SPAG16: variants seen among roughly 807,000 people sequenced by gnomAD.
SPAG16 encodes the protein sperm associated antigen 16.
SPAG16 carries 86 observed loss-of-function variants against 80.4 expected under a neutral mutation model. The observed-to-expected ratio is 1.07, with a 90% confidence interval of 0.90 to 1.28. The LOEUF is 1.28. Among genes scored for constraint, SPAG16 ranks in the 50% most tolerant of loss-of-function variants. The pLI is 0.00. For synonymous variants in SPAG16, 294 were observed against 265.9 expected, an observed-to-expected ratio of 1.11 and a Z score of -1.03; for missense variants, 870 against 765.3, an observed-to-expected ratio of 1.14 and a Z score of -1.61.
At position 214,051,050 on chromosome 2, in the gene SPAG16, T is replaced by C. The variant is rs537041776; in HGVS notation, c.1527+36973T>C. Among the ~76,000 whole-genome samples the C allele has an allele frequency of 1.7e-4, 26 of 152,354 alleles. No individual in the cohort carries two copies. In the East Asian group the frequency reaches 4.4e-3, roughly 26 times the overall value. ...CTGTCTTTTTTGAACCATGCAATCA[T>C]AGCAGTGTCTTGACCTTTAATATTG... On this transcript the variant is annotated intron_variant, in intron 13 of 15. Transcript: ENST00000331683.
At chr2:214,193,708 C>T (rs1023608) in intron 15 of SPAG16, among the ~76,000 whole-genome samples, 27,907 of 151,726 alleles carry the variant, frequency 0.18, 3,873 homozygotes, top group East Asian at 0.45. Context: ...AATGATGGTT[C>T]CTATTTTATA....
intron 10 of SPAG16, among the ~76,000 whole-genome samples, chr2:213,614,201 A>G (rs1459009284): frequency 2.0e-5 from 3 of 152,258 alleles, no homozygotes; most frequent in African/African-American, 7.2e-5. Context: ...TGCTAAAACA[A>G]AATGAAAGTT....
At chr2:214,323,428 G>T (rs1696251021) in intron 15 of SPAG16, among the ~76,000 whole-genome samples, 1 of 151,908 alleles carries the variant, frequency 6.6e-6, no homozygotes, top group Non-Finnish European at 1.5e-5. Flanking sequence ...CAAGTATTAG[G>T]TCATATTTAT....
At chr2:213,297,149 A>C (rs531037291) in intron 2 of SPAG16, 113 bp from the exon 3 acceptor site, 1 of 1,478,932 alleles carries the variant, frequency 6.8e-7, no homozygotes, top group South Asian at 1.3e-5. Context: ...GGTATTTTAC[A>C]TAAAGTATTT....
intron 13 of SPAG16, among the ~76,000 whole-genome samples, chr2:214,015,730 G>C (rs2047561313): frequency 6.6e-6 from 1 of 152,166 alleles, no homozygotes. Flanking sequence ...CTGGCTGAGA[G>C]CTCAGTTTTC....
chr2:213,956,459 T>C (rs1444872488), intron 12 of SPAG16, among the ~76,000 whole-genome samples: 1 of 148,370 alleles, frequency 6.7e-6, no homozygotes, highest in East Asian at 2.0e-4. Context: ...TTTTTTTTTT[T>C]TTTTTTGAGG....
At chr2:213,977,441 C>CA (rs978207290) in intron 12 of SPAG16, among the ~76,000 whole-genome samples, 1 of 151,926 alleles carries the variant, frequency 6.6e-6, no homozygotes, top group African/African-American at 2.4e-5. Context: ...TACTGCCCCC[C>CA]CCATACCCAA....
rs191430975 is a variant in SPAG16, at chr2:213,396,043, G to A, written c.942+20924G>A. ...CTGGACTTTCTTTTATGTTTCACTG[G>A]TGAGTTTGTTTATTCCTGTGGCAGT... is the stretch of plus-strand genomic sequence containing the variant. On this transcript the variant is annotated intron_variant, in intron 9 of 15. Coordinates refer to ENST00000331683, the MANE Select transcript of SPAG16 (RefSeq NM_024532.5). Among the ~76,000 whole-genome samples the A allele has an allele frequency of 1.1e-3, 161 of 152,100 alleles. 3 individuals carry two copies. Among genetic ancestry groups the A allele is most frequent in the Non-Finnish European group, 1.2e-4 (8 of 67,992 alleles).
intron 10 of SPAG16, among the ~76,000 whole-genome samples, chr2:213,733,858 A>G (rs899673261): frequency 1.3e-5 from 2 of 152,178 alleles, no homozygotes; most frequent in African/African-American, 4.8e-5. Context: ...TTCTTATTTT[A>G]AGGATGGAGC....
chr2:213,416,546 G>GTTTTT (rs1480038020), intron 9 of SPAG16, among the ~76,000 whole-genome samples: 13 of 103,242 alleles, frequency 1.3e-4, no homozygotes, highest in Admixed American at 1.9e-4. Context: ...TACTTGACTT[G>GTTTTT]TTTTTTCTTT....
At chr2:213,380,258 A>G (rs1174547074) in intron 9 of SPAG16, among the ~76,000 whole-genome samples, 1 of 152,118 alleles carries the variant, frequency 6.6e-6, no homozygotes, top group Non-Finnish European at 1.5e-5. Context: ...TCTTTCAGGG[A>G]TGTCCTAGAA....
intron 15 of SPAG16, among the ~76,000 whole-genome samples, chr2:214,404,932 T>C (rs1001283658): frequency 6.6e-6 from 1 of 152,168 alleles, no homozygotes; most frequent in Non-Finnish European, 1.5e-5. Flanking sequence ...GATTAATGGA[T>C]ATATATAGTG....
At chr2:213,466,498 A>G (rs556441944) in intron 9 of SPAG16, among the ~76,000 whole-genome samples, 1 of 152,286 alleles carries the variant, frequency 6.6e-6, no homozygotes, top group East Asian at 1.9e-4. Context: ...GGTGTCCATA[A>G]TCTGCAGAAT....
chr2:213,986,221 T>C (rs191976043), intron 12 of SPAG16, among the ~76,000 whole-genome samples: 1 of 152,164 alleles, frequency 6.6e-6, no homozygotes, highest in African/African-American at 2.4e-5. Flanking sequence ...TTGCCCAGCG[T>C]CCAGGAAGGC....
At chr2:213,813,455 G>A (rs917364698) in intron 10 of SPAG16, among the ~76,000 whole-genome samples, 5 of 152,066 alleles carry the variant, frequency 3.3e-5, no homozygotes, top group East Asian at 1.9e-4. Context: ...GAGGGCAGGC[G>A]GGAGACCACA....
At chr2:214,038,373 G>C (rs2048820982) in intron 13 of SPAG16, among the ~76,000 whole-genome samples, 1 of 151,974 alleles carries the variant, frequency 6.6e-6, no homozygotes, top group South Asian at 2.1e-4. Flanking sequence ...TTTCAGTTCT[G>C]TTATTTCTAC....
chr2:214,184,537 C>G (rs1367677125), intron 15 of SPAG16, among the ~76,000 whole-genome samples: 5 of 152,054 alleles, frequency 3.3e-5, no homozygotes, highest in African/African-American at 1.2e-4. Flanking sequence ...TCAGGGAGAA[C>G]TGTGGTACGT....
intron 15 of SPAG16, among the ~76,000 whole-genome samples, chr2:214,380,965 T>A (rs2126107560): frequency 6.6e-6 from 1 of 152,368 alleles, no homozygotes; most frequent in East Asian, 1.9e-4. Context: ...TGGGTATGGA[T>A]AATCACTTCG....
intron 11 of SPAG16, among the ~76,000 whole-genome samples, chr2:213,877,206 T>C (rs2076173863): frequency 6.6e-6 from 1 of 152,158 alleles, no homozygotes; most frequent in Non-Finnish European, 1.5e-5. Flanking sequence ...AATCCACTTA[T>C]TAAGGATATC....
Sources: gnomAD v4.1 joint callset for allele counts (sites outside exome capture counted in the v4.1 genomes callset) on GRCh38, gnomAD v4.1.1 for gene constraint, MANE v1.5 for transcripts, NCBI Gene and HGNC (gene_info 2026-07-23, HGNC 2026-07-21) for gene names.